Variants in PTPRD observed in about 807,000 individuals in gnomAD.
PTPRD encodes the protein protein tyrosine phosphatase receptor type D, also known as receptor-type tyrosine-protein phosphatase delta.
Under a neutral mutation model 214.5 loss-of-function variants are expected in PTPRD, and 34 were observed. That is an observed-to-expected ratio of 0.16 (90% CI 0.12 to 0.21). The LOEUF is 0.21. Among genes scored for constraint, PTPRD ranks in the 10% least tolerant of loss-of-function variants. The pLI is 1.00. For synonymous variants in PTPRD, 1,128 were observed against 845.7 expected, an observed-to-expected ratio of 1.33 and a Z score of -5.79; for missense variants, 2,545 against 2,398.7, an observed-to-expected ratio of 1.06 and a Z score of -1.27.
chr9:8,507,442 C>G lies in PTPRD; in HGVS notation c.1544-8G>C. 6.2e-7 allele frequency: 1 copy of G among 1,613,626 alleles called. No homozygotes were observed. Among genetic ancestry groups the G allele is most frequent in the Non-Finnish European group, 8.5e-7 (1 of 1,179,622 alleles). On this transcript the variant is annotated splice_region_variant and splice_polypyrimidine_tract_variant and intron_variant, in intron 21 of 45. Transcript: ENST00000381196. ...TTAGTGGCTGCCCTGGTACTAAAAA[C>G]AGGGAGGCAATGGATTGAACTCACA...
At chr9:9,285,109 T>A (rs895809103) in intron 9 of PTPRD, among the ~76,000 whole-genome samples, 1 of 151,816 alleles carries the variant, frequency 6.6e-6, no homozygotes, top group African/African-American at 2.4e-5. Flanking sequence ...ATATTTGGCA[T>A]GAATAGTTTT....
chr9:8,720,029 C>G (rs2154417283), intron 12 of PTPRD, among the ~76,000 whole-genome samples: 1 of 152,190 alleles, frequency 6.6e-6, no homozygotes, highest in Middle Eastern at 3.4e-3. Context: ...GTTAAAAACC[C>G]CTTCAAAAAT....
intron 2 of PTPRD, among the ~76,000 whole-genome samples, chr9:10,504,628 T>C (rs546436663): frequency 2.0e-5 from 3 of 152,158 alleles, no homozygotes; most frequent in East Asian, 1.9e-4. Context: ...AATTCGTCAA[T>C]TGCACAACCC....
rs550641497 is a variant in PTPRD, at chr9:9,561,368, A to T, written c.-237+13364T>A. ...TAAAAAATCAAGCTGTAACCTAAAC[A>T]GTGTGGGCACATGTTCTCAGGACTT... On this transcript the variant is annotated intron_variant, in intron 8 of 45. Coordinates refer to ENST00000381196, the MANE Select transcript of PTPRD (RefSeq NM_002839.4). Among the ~76,000 whole-genome samples, 229 of 152,332 alleles carry T rather than the reference A, an allele frequency of 1.5e-3. 1 individual carries two copies. Among genetic ancestry groups the T allele is most frequent in the African/African-American group, 5.4e-3 (223 of 41,570 alleles).
intron 3 of PTPRD, among the ~76,000 whole-genome samples, chr9:10,229,983 A>G (rs2099603201): frequency 6.6e-6 from 1 of 152,030 alleles, no homozygotes; most frequent in African/African-American, 2.4e-5. Context: ...ATATTTTGGG[A>G]TGGCAAACTG....
chr9:9,354,752 T>C (rs887933222), intron 9 of PTPRD, among the ~76,000 whole-genome samples: 5 of 151,768 alleles, frequency 3.3e-5, no homozygotes, highest in East Asian at 1.9e-4. Context: ...GTAAGTAAGA[T>C]AGCATGAAGT....
At chr9:8,668,652 G>A (rs1332326085) in intron 12 of PTPRD, among the ~76,000 whole-genome samples, 1 of 152,046 alleles carries the variant, frequency 6.6e-6, no homozygotes, top group African/African-American at 2.4e-5. Context: ...AAAAAATGCA[G>A]GCCGAAAACA....
chr9:8,620,524 G>A (rs1345316954), intron 14 of PTPRD, among the ~76,000 whole-genome samples: 1 of 151,916 alleles, frequency 6.6e-6, no homozygotes, highest in East Asian at 1.9e-4. Flanking sequence ...TGGTGGTGGT[G>A]GTACTGTTCA....
chr9:9,924,783 A>T (rs2083688487), intron 5 of PTPRD, among the ~76,000 whole-genome samples: 1 of 152,070 alleles, frequency 6.6e-6, no homozygotes, highest in Non-Finnish European at 1.5e-5. Context: ...GATACTTGAA[A>T]GCTAAAGTTT....
chr9:9,876,818 C>A (rs529996971), intron 5 of PTPRD, among the ~76,000 whole-genome samples: 1 of 152,192 alleles, frequency 6.6e-6, no homozygotes, highest in Non-Finnish European at 1.5e-5. Flanking sequence ...GACGGCATGC[C>A]ATGCATTAAG....
chr9:9,935,610 A>G (rs1027199670), intron 5 of PTPRD, among the ~76,000 whole-genome samples: 2 of 150,992 alleles, frequency 1.3e-5, no homozygotes, highest in South Asian at 2.1e-4. Flanking sequence ...TTCCATGCTC[A>G]TGGGTAGGAA....
chr9:9,735,688 T>G (rs1239023462), intron 6 of PTPRD, among the ~76,000 whole-genome samples: 1 of 152,082 alleles, frequency 6.6e-6, no homozygotes, highest in Non-Finnish European at 1.5e-5. Context: ...GAGTAAGTAA[T>G]GGATCTTGTC....
intron 11 of PTPRD, among the ~76,000 whole-genome samples, chr9:8,799,242 A>G (rs896238041): frequency 1.3e-5 from 2 of 152,190 alleles, no homozygotes; most frequent in African/African-American, 2.4e-5. Flanking sequence ...ATCACTTCCC[A>G]TGTTCACTGT....
In PTPRD at chr9:10,460,371, TA is replaced by T. The variant is rs200250124; in HGVS notation, c.-599-119355del. On this transcript the variant is annotated intron_variant, in intron 2 of 45. Coordinates refer to ENST00000381196, the MANE Select transcript of PTPRD (RefSeq NM_002839.4). ...CAGTGGCATTATTCACAAAAATAGA[TA>T]AAAAAACCCTAAAATTTGTATGAAA... Among the ~76,000 whole-genome samples, 4 of 147,216 alleles carry T rather than the reference TA, an allele frequency of 2.7e-5. No individual in the cohort carries two copies. In the East Asian group the frequency reaches 6.1e-4, roughly 22 times the overall value.
At chr9:9,085,003 C>T (rs67207423) in intron 10 of PTPRD, among the ~76,000 whole-genome samples, 14,183 of 152,104 alleles carry the variant, frequency 0.093, 809 homozygotes, top group East Asian at 0.17. Context: ...TCCTTTAAAA[C>T]TTCTATCTTT....
At chr9:8,517,251 T>G (rs1389440974) in intron 21 of PTPRD, among the ~76,000 whole-genome samples, 6 of 152,160 alleles carry the variant, frequency 3.9e-5, no homozygotes, top group Admixed American at 3.9e-4. Flanking sequence ...TAAAATAGTC[T>G]AATGTCTGCT....
At chr9:9,978,472 A>G (rs2095433867) in intron 4 of PTPRD, among the ~76,000 whole-genome samples, 1 of 152,114 alleles carries the variant, frequency 6.6e-6, no homozygotes, top group Admixed American at 6.5e-5. Context: ...AAAAAATAAA[A>G]TGTATGCTTG....
At chr9:10,485,766 T>C (rs995835359) in intron 2 of PTPRD, among the ~76,000 whole-genome samples, 26 of 152,102 alleles carry the variant, frequency 1.7e-4, no homozygotes, top group Admixed American at 1.7e-3. Context: ...TGGTGGAATC[T>C]TTAGGTTTTT....
intron 5 of PTPRD, among the ~76,000 whole-genome samples, chr9:9,835,503 C>T (rs980789786): frequency 6.6e-6 from 1 of 151,942 alleles, no homozygotes; most frequent in African/African-American, 2.4e-5. Context: ...ATAGAGTATG[C>T]GGAAAGAAAG....
Sources: allele counts gnomAD v4.1 joint callset (sites outside exome capture counted in the v4.1 genomes callset), GRCh38; gene constraint gnomAD v4.1.1; transcripts MANE v1.5; gene names NCBI Gene and HGNC (gene_info 2026-07-23, HGNC 2026-07-21).